NEK10: variants seen among roughly 807,000 people sequenced by gnomAD.
NEK10 encodes serine/threonine-protein kinase Nek10.
A neutral mutation model predicts 159.8 loss-of-function variants in NEK10; 122 were observed. That is an observed-to-expected ratio of 0.76 (90% confidence interval 0.66 to 0.89). NEK10 has a LOEUF of 0.89. Ranked by LOEUF, NEK10 falls within the 40% of genes least tolerant of loss-of-function variation. The pLI is 0.00. For synonymous variants in NEK10, 466 were observed against 457.1 expected (o/e 1.02, Z -0.25); for missense variants, 1,342 against 1,323.1 (o/e 1.01, Z -0.22).
rs1370541269 is a variant in NEK10, at chr3:27,304,731, G to A, written c.1028+16C>T. The A allele has an allele frequency of 6.4e-7, 1 of 1,563,734 alleles. No homozygotes were observed. The highest frequency in any genetic ancestry group is 8.8e-7 in the Non-Finnish European group (1 of 1,134,510). Reference sequence around the variant, plus strand: ...AACAAACAGGGCAAAGTAGGCCAAAGCCCACTTTTACTCACCCTTGTAAAA... The same window carrying A: ...AACAAACAGGGCAAAGTAGGCCAAAACCCACTTTTACTCACCCTTGTAAAA... On this transcript the variant is annotated intron_variant, in intron 12 of 35. Transcript: ENST00000691995.
chr3:27,229,457 A>G (rs1952995755), intron 23 of NEK10, among the ~76,000 whole-genome samples: 1 of 152,184 alleles, frequency 6.6e-6, no homozygotes, highest in Admixed American at 6.5e-5. Context: ...ATATGACAAA[A>G]CAGGGTTCTA....
chr3:27,130,689 C>A (rs1194849003), intron 32 of NEK10, among the ~76,000 whole-genome samples: 1 of 152,028 alleles, frequency 6.6e-6, no homozygotes, highest in East Asian at 1.9e-4. Context: ...AGTTATATGA[C>A]CTTAATAAGA....
chr3:27,307,247 G>A (rs540093226), intron 11 of NEK10, among the ~76,000 whole-genome samples: 2 of 152,270 alleles, frequency 1.3e-5, no homozygotes, highest in East Asian at 3.9e-4. Flanking sequence ...AAGTGTCAGG[G>A]CTCCATTGCT....
rs1449829667 is a variant in NEK10, at chr3:27,352,504, T to A, written c.93A>T (p.Arg31Ser). 3.7e-6 allele frequency: 6 copies of A among 1,610,426 alleles called. No homozygotes were observed. In the East Asian group the frequency reaches 1.3e-4, roughly 36 times the overall value. ...ATTGGACGTTCAAAAGGCACCGAAGTCTTTTAAGATCTGAATAGTCCCTAG... is the reference window on the plus strand; with the variant it reads ...ATTGGACGTTCAAAAGGCACCGAAGACTTTTAAGATCTGAATAGTCCCTAG... ...ITIRDYSDLK[R>S]LRCLLNVQSS... The change falls in exon 3 of 36, where the codon AGA becomes AGT. Residue 31 changes from arginine to serine, a missense_variant. Transcript: ENST00000691995.
At chr3:27,185,524 A>G (rs1476125442) in intron 26 of NEK10, among the ~76,000 whole-genome samples, 1 of 152,154 alleles carries the variant, frequency 6.6e-6, no homozygotes, top group African/African-American at 2.4e-5. Context: ...GCCTGTGGAA[A>G]ACAGCTTCAG....
At chr3:27,282,083 A>G (rs1475866244) in intron 22 of NEK10, among the ~76,000 whole-genome samples, 1 of 152,206 alleles carries the variant, frequency 6.6e-6, no homozygotes, top group Non-Finnish European at 1.5e-5. Flanking sequence ...TTGAATATTG[A>G]CTTAACATAA....
intron 30 of NEK10, among the ~76,000 whole-genome samples, chr3:27,147,474 A>C (rs1409609156): frequency 6.6e-6 from 1 of 152,240 alleles, no homozygotes. Flanking sequence ...CAGGAAGCTG[A>C]GTCAAAGCAT....
intron 23 of NEK10, among the ~76,000 whole-genome samples, chr3:27,208,989 C>T (rs1950768304): frequency 6.6e-6 from 1 of 152,196 alleles, no homozygotes; most frequent in African/African-American, 2.4e-5. Context: ...TTAGATGACA[C>T]ATTCAAGAGC....
intron 22 of NEK10, among the ~76,000 whole-genome samples, chr3:27,282,660 G>GTTATATATATACATAACTGTT (rs2042285611): frequency 8.1e-6 from 1 of 122,764 alleles, no homozygotes. Flanking sequence ...ACATAACTGT[G>GTTATATATATACATAACTGTT]TTATATATAT....
intron 1 of NEK10, among the ~76,000 whole-genome samples, chr3:27,358,258 C>T (rs1423183607): frequency 6.6e-6 from 1 of 152,168 alleles, no homozygotes; most frequent in Non-Finnish European, 1.5e-5. Flanking sequence ...AGGCATGCTA[C>T]TTTAAAAACA....
chr3:27,365,786 T>C (rs2049037238), intron 1 of NEK10, among the ~76,000 whole-genome samples: 1 of 151,958 alleles, frequency 6.6e-6, no homozygotes, highest in Admixed American at 6.6e-5. Context: ...CTAATTTTTG[T>C]GTTTTTAATA....
chr3:27,355,421 T>C (rs912679010), intron 1 of NEK10, among the ~76,000 whole-genome samples: 3 of 151,980 alleles, frequency 2.0e-5, no homozygotes, highest in Non-Finnish European at 2.9e-5. Context: ...TAAACAGAAC[T>C]CTTGACCCCC....
chr3:27,182,960 T>C (rs1948269125), intron 26 of NEK10, among the ~76,000 whole-genome samples: 1 of 152,054 alleles, frequency 6.6e-6, no homozygotes, highest in East Asian at 1.9e-4. Context: ...AAAGGAACGG[T>C]TGGGTACAAA....
intron 30 of NEK10, among the ~76,000 whole-genome samples, chr3:27,151,289 C>T (rs1336915921): frequency 6.6e-6 from 1 of 152,096 alleles, no homozygotes; most frequent in East Asian, 1.9e-4. Flanking sequence ...CAGGCACTGG[C>T]ACCCACGGTT....
chr3:27,146,380 T>C (rs902494793), intron 30 of NEK10, among the ~76,000 whole-genome samples: 3 of 152,202 alleles, frequency 2.0e-5, no homozygotes, highest in African/African-American at 7.2e-5. Context: ...CAATGCATTA[T>C]TTTTCTGAAT....
intron 22 of NEK10, among the ~76,000 whole-genome samples, chr3:27,281,098 A>C (rs1335261434): frequency 1.3e-5 from 2 of 151,994 alleles, no homozygotes; most frequent in Non-Finnish European, 2.9e-5. Flanking sequence ...AAAATATGAT[A>C]ATATAAATTT....
intron 29 of NEK10, among the ~76,000 whole-genome samples, chr3:27,165,999 G>C (rs768400003): frequency 3.9e-5 from 6 of 152,108 alleles, no homozygotes; most frequent in Non-Finnish European, 7.4e-5. Flanking sequence ...TAATTCAATT[G>C]TGAAAAGTAT....
intron 23 of NEK10, among the ~76,000 whole-genome samples, chr3:27,237,003 C>T (rs1436240742): frequency 2.0e-5 from 3 of 151,994 alleles, no homozygotes; most frequent in Admixed American, 6.6e-5. Context: ...CCAAAGTGGC[C>T]GTTTATAGAC....
intron 23 of NEK10, among the ~76,000 whole-genome samples, chr3:27,228,915 T>G (rs1219559238): frequency 6.6e-6 from 1 of 151,996 alleles, no homozygotes; most frequent in African/African-American, 2.4e-5. Flanking sequence ...TCAGCACATC[T>G]AATTGAGAGC....
Sources: gnomAD v4.1 joint callset for allele counts (sites outside exome capture counted in the v4.1 genomes callset) on GRCh38, gnomAD v4.1.1 for gene constraint, MANE v1.5 for transcripts, NCBI Gene and HGNC (gene_info 2026-07-23, HGNC 2026-07-21) for gene names.